DLGAP3: variants seen among roughly 807,000 people sequenced by gnomAD.
DLGAP3 encodes the protein DLG associated protein 3, also known as disks large-associated protein 3.
In DLGAP3, 17 loss-of-function variants were observed where a neutral mutation model predicts 81.2. That is an observed-to-expected ratio of 0.21 (90% CI 0.14 to 0.31). DLGAP3 has a LOEUF of 0.31. Among genes scored for constraint, DLGAP3 ranks in the 10% least tolerant of loss-of-function variants. The pLI is 1.00. For synonymous variants in DLGAP3, 577 were observed against 587.4 expected, an observed-to-expected ratio of 0.98 and a Z score of 0.26; for missense variants, 1,124 against 1,388.0, an observed-to-expected ratio of 0.81 and a Z score of 3.02.
chr1:34,912,409 C>A (rs1639652572), intron 1 of DLGAP3, among the ~76,000 whole-genome samples: 1 of 152,142 alleles, frequency 6.6e-6, no homozygotes, highest in South Asian at 2.1e-4. Flanking sequence ...ATGCCTTGGG[C>A]CAAGATGAAG....
intron 1 of DLGAP3, among the ~76,000 whole-genome samples, chr1:34,926,618 G>A (rs1246591469): frequency 6.6e-6 from 1 of 152,148 alleles, no homozygotes; most frequent in Non-Finnish European, 1.5e-5. Context: ...ACCAGAAGGG[G>A]TCTTTGGAAG....
chr1:34,897,843 G>C (rs1272456126), intron 5 of DLGAP3, among the ~76,000 whole-genome samples: 1 of 152,180 alleles, frequency 6.6e-6, no homozygotes, highest in Non-Finnish European at 1.5e-5. Context: ...GGTGGGACCA[G>C]CAGGATCAGC....
intron 8 of DLGAP3, among the ~76,000 whole-genome samples, chr1:34,879,057 G>A (rs370260236): frequency 8.1e-5 from 12 of 148,196 alleles, no homozygotes; most frequent in Admixed American, 4.7e-4. Flanking sequence ...GGGCGAGAGC[G>A]AGACTCTGCC....
At chr1:34,921,853 C>T (rs149891608) in intron 1 of DLGAP3, among the ~76,000 whole-genome samples, 9 of 152,312 alleles carry the variant, frequency 5.9e-5, no homozygotes, top group Non-Finnish European at 1.2e-4. Context: ...TGACAAATCC[C>T]CGTGTTGGTA....
At chr1:34,906,232 A>G (rs1157245982) in intron 2 of DLGAP3, among the ~76,000 whole-genome samples, 1 of 151,488 alleles carries the variant, frequency 6.6e-6, no homozygotes. Flanking sequence ...ACCCAGGGAG[A>G]CATAAAATAG....
intron 1 of DLGAP3, among the ~76,000 whole-genome samples, chr1:34,914,629 G>A (rs961311625): frequency 6.6e-6 from 1 of 152,208 alleles, no homozygotes; most frequent in African/African-American, 2.4e-5. Context: ...ATTTTCAAAT[G>A]GGAGCAAGAG....
rs147024515 is a variant in DLGAP3, at chr1:34,885,799, C to T, written c.1601-8G>A. On this transcript the variant is annotated splice_region_variant and splice_polypyrimidine_tract_variant and intron_variant, in intron 6 of 11. Coordinates refer to ENST00000373347, the MANE Select transcript of DLGAP3 (RefSeq NM_001080418.3). ...CCTTTCTGAAGTTGAAGGCTGTGGC[C>T]GGCGAGCGCAGAGACGCAGTGGGTG... The T allele has an allele frequency of 5.7e-6, 8 of 1,405,336 alleles. No individual in the cohort carries two copies. In the East Asian group the frequency reaches 2.2e-4, roughly 38 times the overall value. The allele number at this position is 1,405,336 out of a possible 1,614,324, so 87.1% of individuals were successfully genotyped here. A position where few individuals can be genotyped will look rare whatever the true frequency, so the allele number is the denominator to read the frequency against.
intron 5 of DLGAP3, among the ~76,000 whole-genome samples, chr1:34,886,943 C>CTTTTTTTTT (rs949966445): frequency 4.7e-5 from 3 of 64,300 alleles, no homozygotes; most frequent in East Asian, 8.7e-4. Flanking sequence ...CCCCCACCTT[C>CTTTTTTTTT]TTTTTTTTTT....
chr1:34,912,701 C>A (rs1003706297), intron 1 of DLGAP3, among the ~76,000 whole-genome samples: 13 of 152,308 alleles, frequency 8.5e-5, no homozygotes, highest in African/African-American at 2.9e-4. Context: ...TGGGATCCCA[C>A]AGTTTTAGGC....
rs756114781 is a variant in DLGAP3, at chr1:34,867,177, G to A, written c.2592C>T (p.Phe864=). Residue 864 remains phenylalanine (F), a synonymous_variant, in exon 11 of 12, where the codon TTC becomes TTT. Transcript: ENST00000373347. The surrounding 1 kb of genome is among the most constrained non-coding windows in gnomAD (Gnocchi z 4.3). ...CCAGGTCCTGGAAGGTGGGCACAGGGAACGCAGTGGGATCCTGCAACAGAG... is the reference window on the plus strand; with the variant it reads ...CCAGGTCCTGGAAGGTGGGCACAGGAAACGCAGTGGGATCCTGCAACAGAG... ...LCQQSMDPTA[F]PVPTFQDLAG... 6.7e-5 allele frequency: 108 copies of A among 1,614,082 alleles called. No homozygotes were observed. Among genetic ancestry groups the A allele is most frequent in the Non-Finnish European group, 9.0e-5 (106 of 1,180,036 alleles).
rs966505290 is a variant in DLGAP3 at position 34,868,095 on chromosome 1, T to C, written c.2486-468A>G. On this transcript the variant is annotated intron_variant, in intron 9 of 11. Transcript: ENST00000373347. The surrounding 1 kb of genome is among the most constrained non-coding windows in gnomAD (Gnocchi z 7.5). ...CACTGTCCCCTCAACTCAGAGATTC[T>C]GGGGTAAGACTGTGTCTCCCAGTGG... Among the ~76,000 whole-genome samples, 1 of 152,232 alleles carries C rather than the reference T, an allele frequency of 6.6e-6. No homozygotes were observed. The highest frequency in any genetic ancestry group is 1.5e-5 in the Non-Finnish European group (1 of 68,042).
intron 1 of DLGAP3, among the ~76,000 whole-genome samples, chr1:34,915,841 CA>C (rs76349587): frequency 0.066 from 10,092 of 152,232 alleles, 765 homozygotes; most frequent in East Asian, 0.33. Flanking sequence ...GCTCAGACTG[CA>C]AAACCCCTGT....
Position 34,866,286 on chromosome 1 carries a change from G to A in DLGAP3, c.2737C>T (p.Pro913Ser), listed in dbSNP as rs1181458011. The change falls in exon 12 of 12, where the codon CCT becomes TCT. Residue 913 changes from proline (P) to serine (S), a missense_variant. Physicochemically the swap from Pro to Ser is moderately conservative, Grantham distance 74 (BLOSUM62 -1). Coordinates refer to ENST00000373347, the MANE Select transcript of DLGAP3 (RefSeq NM_001080418.3). ...AGGGGCTTCTTTGGTATCGGCGGAGGGACCTTCTTCTCCTCCTGCGGGGCA... is the reference window on the plus strand; with the variant it reads ...AGGGGCTTCTTTGGTATCGGCGGAGAGACCTTCTTCTCCTCCTGCGGGGCA... ...LLEPKEEKKV[P>S]PPIPKKPLRG... The A allele has an allele frequency of 7.8e-6, 12 of 1,531,586 alleles. No individual in the cohort carries two copies. The Admixed American group carries it at 1.6e-4, about 20-fold the overall frequency. The allele number at this position is 1,531,586 out of a possible 1,614,324, so 94.9% of individuals were successfully genotyped here.
At position 34,918,326 on chromosome 1, in the gene DLGAP3, G is replaced by A. The variant is rs1365679185; in HGVS notation, c.-134-10889C>T. Among the ~76,000 whole-genome samples the A allele has an allele frequency of 6.6e-5, 10 of 152,356 alleles. No homozygotes were observed. In the East Asian group the frequency reaches 1.7e-3, roughly 26 times the overall value. On this transcript the variant is annotated intron_variant, in intron 1 of 11. Coordinates refer to ENST00000373347, the MANE Select transcript of DLGAP3 (RefSeq NM_001080418.3). ...TGTGCCCTGGGGGTCTATGGGGATG[G>A]CAAGCAGGACCCTTACAGTGCCCAG...
intron 1 of DLGAP3, among the ~76,000 whole-genome samples, chr1:34,909,026 T>C (rs1027267428): frequency 6.6e-6 from 1 of 152,250 alleles, no homozygotes; most frequent in Non-Finnish European, 1.5e-5. Flanking sequence ...TCCCTCTTCC[T>C]GCCCCAGGCA....
At chr1:34,918,021 G>T (rs1242640533) in intron 1 of DLGAP3, among the ~76,000 whole-genome samples, 1 of 152,198 alleles carries the variant, frequency 6.6e-6, no homozygotes, top group South Asian at 2.1e-4. Context: ...GGAGGGAGGG[G>T]GCTCGGAGGC....
chr1:34,904,975 G>A lies in DLGAP3; in HGVS notation c.409C>T (p.His137Tyr), dbSNP rs1569645685. 1 of 1,613,308 alleles carries A rather than the reference G, an allele frequency of 6.2e-7. No homozygotes were observed. ...GGCCCTCGCTGGTATGGTAGTGTGT[G>A]GAAGCCATCTTGTTGAACTGGCAAC... The part of the protein sequence containing the change: ...KQLPVQQDGF[H>Y]TLPYQRGPAG... The change falls in exon 3 of 12, where the codon CAC (histidine) becomes TAC (tyrosine). Residue 137 changes from histidine to tyrosine, a missense_variant. His to Tyr is a moderately conservative substitution (Grantham distance 83, BLOSUM62 2). Coordinates refer to ENST00000373347, the MANE Select transcript of DLGAP3 (RefSeq NM_001080418.3). The surrounding 1 kb of genome is among the most constrained non-coding windows in gnomAD (Gnocchi z 8.1).
intron 1 of DLGAP3, among the ~76,000 whole-genome samples, chr1:34,907,662 G>T (rs1296882304): frequency 6.6e-6 from 1 of 152,186 alleles, no homozygotes; most frequent in East Asian, 1.9e-4. Context: ...TCCAACTGCA[G>T]GTGTCTGTGG....
rs773507174 is a variant in DLGAP3, at chr1:34,886,133, T to C, written c.1539A>G (p.Gln513=). ...YLRAIQAGCS[Q]DDDCLPLLAT... ...CGAGGAGGGGCAGGCAGTCGTCGTC[T>C]TGAGAGCAGCCGGCCTGGATGGCCC... Residue 513 remains glutamine, a synonymous_variant, in exon 6 of 12, where the codon CAA becomes CAG. Coordinates refer to ENST00000373347, the MANE Select transcript of DLGAP3 (RefSeq NM_001080418.3). The C allele has an allele frequency of 6.8e-6, 11 of 1,608,304 alleles. No homozygotes were observed. The highest frequency in any genetic ancestry group is 2.2e-5 in the South Asian group (2 of 90,016).
Sources: gnomAD v4.1 joint callset for allele counts (sites outside exome capture counted in the v4.1 genomes callset) on GRCh38, gnomAD v4.1.1 for gene constraint, Gnocchi (gnomAD v3.1) non-coding constraint, MANE v1.5 for transcripts, NCBI Gene and HGNC (gene_info 2026-07-23, HGNC 2026-07-21) for gene names.